Variants in RBM25 observed in about 807,000 individuals in gnomAD.
RBM25 encodes RNA binding motif protein 25.
A neutral mutation model predicts 120.7 loss-of-function variants in RBM25; 19 were observed. The ratio of observed to expected loss-of-function variants is 0.16; its 90% CI spans 0.11 to 0.23. The LOEUF (loss-of-function observed/expected upper bound fraction) is 0.23. Among genes scored for constraint, RBM25 ranks in the 10% least tolerant of loss-of-function variants. The probability of loss-of-function intolerance (pLI) is 1.00; values close to 1 mark genes in which losing one functional copy is unlikely to be tolerated. For synonymous variants in RBM25, 390 were observed against 326.7 expected (o/e 1.19, Z -2.09); for missense variants, 605 against 1,041.5 (o/e 0.58, Z 5.77).
chr14:73,072,757 G>A (rs1480578929), intron 2 of RBM25, among the ~76,000 whole-genome samples: 1 of 152,188 alleles, frequency 6.6e-6, no homozygotes, highest in African/African-American at 2.4e-5. Flanking sequence ...CAAGTCCAAA[G>A]AGTGAGACCT....
Position 73,110,890 on chromosome 14 carries a change from A to G in RBM25, c.1752A>G (p.Glu584=), listed in dbSNP as rs1896297153. Residue 584 remains glutamate (E), a synonymous_variant, in exon 15 of 19, where the codon GAA becomes GAG. Transcript: ENST00000261973. ...AAATAAAGCAAGAGCCAGAATCAGA[A>G]GAGGAGGAAGAAGAAAAGCAAGAAA... ...QPQIKQEPES[E]EEEEEKQEKE... is the part of the protein sequence containing the mutation. 1 of 1,613,226 alleles carries G rather than the reference A, an allele frequency of 6.2e-7. No homozygotes were observed. Among genetic ancestry groups the G allele is most frequent in the Non-Finnish European group, 8.5e-7 (1 of 1,179,684 alleles).
chr14:73,103,227 AAGAC>A lies in RBM25; in HGVS notation c.906_909del (p.Gln303LysfsTer193). On this transcript the variant is annotated frameshift_variant, in exon 10 of 19. Transcript: ENST00000261973. LOFTEE classifies it high-confidence loss of function. Reference sequence around the variant, plus strand: ...AAGAGAAAGGCAAAAAGGAAAAAGAAAGACAGGAAATTGAGAAAGAACGGAGAGA... The same window carrying A: ...AAGAGAAAGGCAAAAAGGAAAAAGAAAGGAAATTGAGAAAGAACGGAGAGA... 1 of 1,610,490 alleles carries A rather than the reference AAGAC, an allele frequency of 6.2e-7. No individual in the cohort carries two copies. The highest frequency in any genetic ancestry group is 8.5e-7 in the Non-Finnish European group (1 of 1,178,738).
At chr14:73,083,225 A>G (rs550616000) in intron 4 of RBM25, among the ~76,000 whole-genome samples, 17 of 152,322 alleles carry the variant, frequency 1.1e-4, no homozygotes, top group African/African-American at 3.6e-4. Context: ...TTTTGTTAGG[A>G]TAAGTAGTGA....
At chr14:73,081,013 C>T (rs1317952743) in intron 4 of RBM25, among the ~76,000 whole-genome samples, 4 of 151,644 alleles carry the variant, frequency 2.6e-5, no homozygotes, top group Non-Finnish European at 5.9e-5. Context: ...TCAGTAGAGA[C>T]GGGGTTTCAC....
At chr14:73,094,163 C>T (rs1049287000) in intron 6 of RBM25, among the ~76,000 whole-genome samples, 3 of 151,050 alleles carry the variant, frequency 2.0e-5, no homozygotes, top group African/African-American at 7.3e-5. Context: ...CTGTGTTAGC[C>T]AGGATGGTCT....
chr14:73,081,774 T>C (rs1895569862), intron 4 of RBM25, among the ~76,000 whole-genome samples: 1 of 152,206 alleles, frequency 6.6e-6, no homozygotes, highest in Non-Finnish European at 1.5e-5. Context: ...TGCTGCCTTA[T>C]CGTGTTATAG....
intron 12 of RBM25, 76 bp from the exon 13 acceptor site, chr14:73,107,750 T>G: frequency 9.2e-7 from 1 of 1,086,818 alleles, no homozygotes; most frequent in Non-Finnish European, 1.4e-6. Flanking sequence ...CAGAAAAATC[T>G]GTTTACACAA....
Position 73,120,440 on chromosome 14 carries a change from G to C in RBM25, c.*635G>C, listed in dbSNP as rs943012354. ...AGAATTGTAAAGGAAAAGTGGTACT[G>C]TTCCAACCTGAAATGTCTGTTATAA... On this transcript the variant is annotated 3_prime_UTR_variant, in exon 19 of 19. Coordinates refer to ENST00000261973, the MANE Select transcript of RBM25 (RefSeq NM_021239.3). 1 of 152,682 alleles carries C rather than the reference G, an allele frequency of 6.5e-6. No individual in the cohort carries two copies. Among genetic ancestry groups the C allele is most frequent in the Non-Finnish European group, 1.5e-5 (1 of 68,082 alleles). The allele number at this position is 152,682 out of a possible 1,614,324, so 9.5% of individuals were successfully genotyped here.
At chr14:73,114,614 T>C (rs1009758651) in intron 18 of RBM25, among the ~76,000 whole-genome samples, 1 of 152,162 alleles carries the variant, frequency 6.6e-6, no homozygotes, top group African/African-American at 2.4e-5. Context: ...TCCAGAATCT[T>C]TTTTAGGCCT....
At chr14:73,112,708 G>A (rs375733442) in intron 17 of RBM25, among the ~76,000 whole-genome samples, 4 of 152,194 alleles carry the variant, frequency 2.6e-5, no homozygotes, top group Non-Finnish European at 5.9e-5. Flanking sequence ...CTTTCATATC[G>A]TAGTAACGAT....
chr14:73,070,126 C>T (rs995408026), intron 1 of RBM25, among the ~76,000 whole-genome samples: 5 of 151,450 alleles, frequency 3.3e-5, no homozygotes, highest in Admixed American at 2.6e-4. Flanking sequence ...CTGTCACCCA[C>T]GCTGGAGTGC....
At chr14:73,109,852 C>T (rs146413841) in intron 14 of RBM25, among the ~76,000 whole-genome samples, 98 of 152,104 alleles carry the variant, frequency 6.4e-4, no homozygotes, top group African/African-American at 2.3e-3. Context: ...AGGTGTGTGC[C>T]ACCTCGCCTG....
At chr14:73,074,225 A>C (rs558389095) in intron 2 of RBM25, among the ~76,000 whole-genome samples, 32 of 152,126 alleles carry the variant, frequency 2.1e-4, no homozygotes, top group African/African-American at 7.5e-4. Flanking sequence ...TTTTTAATTT[A>C]TTAATTTTTT....
At chr14:73,076,474 A>G (rs1400990192) in intron 3 of RBM25, 106 bp downstream of exon 3, 4 of 1,040,078 alleles carry the variant, frequency 3.8e-6, no homozygotes. Flanking sequence ...AAAGAATAAC[A>G]AGGACAGAAT....
chr14:73,114,713 G>A (rs929320561), intron 18 of RBM25, among the ~76,000 whole-genome samples: 8 of 152,124 alleles, frequency 5.3e-5, no homozygotes, highest in African/African-American at 1.9e-4. Flanking sequence ...GGCCAGCATG[G>A]TGAAACCCCG....
Position 73,111,578 on chromosome 14 carries a change from C to T in RBM25, c.2068C>T (p.Pro690Ser). 2.5e-6 allele frequency: 4 copies of T among 1,613,620 alleles called. No individual in the cohort carries two copies. The East Asian group carries it at 8.9e-5, about 36-fold the overall frequency. The change falls in exon 16 of 19, where the codon CCT (proline) becomes TCT (serine). Residue 690 changes from proline to serine, a missense_variant. Around this residue, in one of 4 missense-constraint regions of RBM25, gnomAD observed 465 missense variants for 741.6 expected, o/e 0.63. Coordinates refer to ENST00000261973, the MANE Select transcript of RBM25 (RefSeq NM_021239.3). ...TAATTCTGTGAAGAGAAAGAAACTA[C>T]CTGTAGATAGTGTCTTTAACAAATT... ...QPNSVKRKKLPVDSVFNKFED... is the reference protein window; with the variant it reads ...QPNSVKRKKLSVDSVFNKFED...
chr14:73,084,431 T>C (rs1895636481), intron 5 of RBM25, among the ~76,000 whole-genome samples: 1 of 152,244 alleles, frequency 6.6e-6, no homozygotes, highest in Non-Finnish European at 1.5e-5. Flanking sequence ...ATTTTTTAAG[T>C]TGAGTTTTGC....
In RBM25 at chr14:73,076,362, T is replaced by C. The variant is rs1895421687; in HGVS notation, c.150T>C (p.Ala50=). The change falls in exon 3 of 19, where the codon GCT becomes GCC. Residue 50 remains alanine (A), a synonymous_variant. Coordinates refer to ENST00000261973, the MANE Select transcript of RBM25 (RefSeq NM_021239.3). ...IPVPMSIMAP[A]PTVLVPTVSM... ...TACCAATGAGCATTATGGCTCCTGC[T>C]CCAACTGTAAGTATAACTTAAAGGA... 6.2e-7 allele frequency: 1 copy of C among 1,611,490 alleles called. No homozygotes were observed. The highest frequency in any genetic ancestry group is 8.5e-7 in the Non-Finnish European group (1 of 1,177,702).
At chr14:73,086,778 T>TA (rs1271602043) in intron 5 of RBM25, among the ~76,000 whole-genome samples, 1 of 152,134 alleles carries the variant, frequency 6.6e-6, no homozygotes, top group African/African-American at 2.4e-5. Flanking sequence ...AATCTCAGCT[T>TA]ACTGCAACTT....
Sources: allele counts gnomAD v4.1 joint callset (sites outside exome capture counted in the v4.1 genomes callset), GRCh38; gene constraint gnomAD v4.1.1; regional missense constraint gnomAD v4.1.1; transcripts MANE v1.5; gene names NCBI Gene and HGNC (gene_info 2026-07-23, HGNC 2026-07-21).